SOX5: variants seen among roughly 807,000 people sequenced by gnomAD.
The protein encoded by SOX5 is transcription factor SOX-5.
SOX5 carries 9 observed loss-of-function variants against 92.0 expected under a neutral mutation model. The observed-to-expected ratio is 0.10, with a 90% CI of 0.06 to 0.17. The LOEUF (loss-of-function observed/expected upper bound fraction) is 0.17. Ranked by LOEUF, SOX5 falls within the 10% of genes least tolerant of loss-of-function variation. The probability of loss-of-function intolerance (pLI) is 1.00; values close to 1 mark genes in which losing one functional copy is unlikely to be tolerated. For missense variants in SOX5, 642 were observed against 944.5 expected (o/e 0.68, Z 4.20); for synonymous variants, 344 against 336.3 (o/e 1.02, Z -0.25).
intron 1 of SOX5, among the ~76,000 whole-genome samples, chr12:24,417,026 G>A (rs560764850): frequency 6.6e-6 from 1 of 152,284 alleles, no homozygotes; most frequent in East Asian, 1.9e-4. Flanking sequence ...ACATGCTCTG[G>A]CAAGCCATGT....
chr12:24,339,816 T>C (rs147203255), intron 2 of SOX5, among the ~76,000 whole-genome samples: 345 of 152,328 alleles, frequency 2.3e-3, no homozygotes, highest in Middle Eastern at 6.8e-3. Context: ...CAGACAGTCA[T>C]TTCCCCAGCT....
At chr12:23,622,076 G>A (rs2077248806) in intron 8 of SOX5, among the ~76,000 whole-genome samples, 1 of 152,016 alleles carries the variant, frequency 6.6e-6, no homozygotes, top group Non-Finnish European at 1.5e-5. Context: ...ACATGCCTTG[G>A]GGTGAAATTT....
rs529804886 is a variant in SOX5 at position 24,195,295 on chromosome 12, T to A, written c.-2+18048A>T. Among the ~76,000 whole-genome samples the A allele has an allele frequency of 1.2e-4, 19 of 152,304 alleles. No homozygotes were observed. The South Asian group carries it at 3.5e-3, about 28-fold the overall frequency. Reference sequence around the variant, plus strand: ...AATTTTTCATAATCATCAATTTTTTTAAATTCAGTCTATTTTCTGTTGTGG... The same window carrying A: ...AATTTTTCATAATCATCAATTTTTTAAAATTCAGTCTATTTTCTGTTGTGG... On this transcript the variant is annotated intron_variant, in intron 4 of 4. Coordinates refer to the SOX5 transcript ENST00000446891.
At chr12:24,067,470 G>T (rs1415352918) in intron 4 of SOX5, among the ~76,000 whole-genome samples, 1 of 151,820 alleles carries the variant, frequency 6.6e-6, no homozygotes, top group Non-Finnish European at 1.5e-5. Flanking sequence ...TTTGTCGGTG[G>T]GTAGCAGTCC....
chr12:23,546,987 C>T (rs1028166814), intron 11 of SOX5, among the ~76,000 whole-genome samples: 6 of 152,068 alleles, frequency 3.9e-5, no homozygotes, highest in African/African-American at 1.4e-4. Context: ...TGAGTGCCTG[C>T]TACTTGGACC....
chr12:24,320,873 ATAAT>A (rs1392844391), intron 2 of SOX5, among the ~76,000 whole-genome samples: 4 of 95,880 alleles, frequency 4.2e-5, no homozygotes, highest in Non-Finnish European at 9.6e-5. Flanking sequence ...TCAAAAAAAA[ATAAT>A]AATAATAATA....
At chr12:23,571,813 G>A (rs1299081158) in intron 10 of SOX5, among the ~76,000 whole-genome samples, 2 of 152,094 alleles carry the variant, frequency 1.3e-5, no homozygotes, top group African/African-American at 4.8e-5. Context: ...TTAGGTCTGT[G>A]TTCCCTATCT....
intron 2 of SOX5, among the ~76,000 whole-genome samples, chr12:24,335,680 C>G (rs1009043784): frequency 1.3e-5 from 2 of 151,928 alleles, no homozygotes; most frequent in Non-Finnish European, 1.5e-5. Context: ...GTGTGAGAGG[C>G]TTATCTGTTT....
intron 1 of SOX5, among the ~76,000 whole-genome samples, chr12:24,394,518 C>T (rs976704670): frequency 6.6e-6 from 1 of 152,144 alleles, no homozygotes; most frequent in African/African-American, 2.4e-5. Flanking sequence ...AAGGTCTTTA[C>T]CCTTTGAAGA....
intron 12 of SOX5, among the ~76,000 whole-genome samples, chr12:23,544,397 T>TTTGA (rs1207164555): frequency 6.6e-6 from 1 of 152,230 alleles, no homozygotes; most frequent in Non-Finnish European, 1.5e-5. Flanking sequence ...GTAGATGTAT[T>TTTGA]TTGATAGTAT....
At chr12:23,729,845 GC>G (rs1250931552) in intron 6 of SOX5, among the ~76,000 whole-genome samples, 2 of 152,278 alleles carry the variant, frequency 1.3e-5, no homozygotes, top group East Asian at 3.9e-4. Flanking sequence ...CCTATTAGTT[GC>G]TGTAAAGAAC....
intron 6 of SOX5, among the ~76,000 whole-genome samples, chr12:23,687,047 G>A (rs763260910): frequency 1.3e-4 from 20 of 151,968 alleles, no homozygotes; most frequent in African/African-American, 3.1e-4. Context: ...TTGGCATAGG[G>A]TTTATGTTAA....
chr12:23,790,750 C>T (rs961769534), intron 3 of SOX5, among the ~76,000 whole-genome samples: 2 of 152,014 alleles, frequency 1.3e-5, no homozygotes, highest in African/African-American at 2.4e-5. Context: ...AGTTACAAGC[C>T]GGCCTATCCA....
At chr12:24,426,424 T>C (rs1279757070) in intron 1 of SOX5, among the ~76,000 whole-genome samples, 2 of 152,360 alleles carry the variant, frequency 1.3e-5, no homozygotes, top group African/African-American at 4.8e-5. Context: ...GTACCAAACC[T>C]GCACGTTGTG....
chr12:24,369,349 G>A (rs1434459316), intron 1 of SOX5, among the ~76,000 whole-genome samples: 1 of 152,190 alleles, frequency 6.6e-6, no homozygotes, highest in East Asian at 1.9e-4. Context: ...GAAGGGGCCA[G>A]AAACTAAAAC....
chr12:24,408,508 A>G (rs1315257768), intron 1 of SOX5, among the ~76,000 whole-genome samples: 1 of 152,074 alleles, frequency 6.6e-6, no homozygotes, highest in Non-Finnish European at 1.5e-5. Flanking sequence ...AAAATCCCTC[A>G]GGTTGCCTTT....
intron 1 of SOX5, among the ~76,000 whole-genome samples, chr12:24,556,473 G>T (rs1349641816): frequency 6.6e-6 from 1 of 152,136 alleles, no homozygotes; most frequent in Admixed American, 6.5e-5. Context: ...AAGGACTGTT[G>T]ACTCCAGAGA....
At chr12:24,486,215 A>G (rs1413933144) in intron 1 of SOX5, among the ~76,000 whole-genome samples, 6 of 152,120 alleles carry the variant, frequency 3.9e-5, no homozygotes, top group Non-Finnish European at 7.4e-5. Context: ...GGGATTATAG[A>G]CATAAGCCAC....
chr12:24,415,336 T>C (rs1964841954), intron 1 of SOX5, among the ~76,000 whole-genome samples: 2 of 152,236 alleles, frequency 1.3e-5, no homozygotes, highest in Admixed American at 1.3e-4. Context: ...CTTGTTCCTC[T>C]TTCCAGCCAT....
Sources: allele counts gnomAD v4.1 joint callset (sites outside exome capture counted in the v4.1 genomes callset), GRCh38; gene constraint gnomAD v4.1.1; transcripts MANE v1.5; gene names NCBI Gene and HGNC (gene_info 2026-07-23, HGNC 2026-07-21).